The following R3HDM2 variants were observed in gnomAD, a reference collection of about 807,000 sequenced individuals.
The protein encoded by R3HDM2 is R3H domain containing 2, also known as R3H domain-containing protein 2.
R3HDM2 carries 38 observed loss-of-function variants against 124.5 expected under a neutral mutation model. That is an observed-to-expected ratio of 0.31 (90% CI 0.24 to 0.40). The LOEUF (loss-of-function observed/expected upper bound fraction) is 0.40, where lower values mean the gene tolerates loss of function less well. Ranked by LOEUF, R3HDM2 falls within the 10% of genes least tolerant of loss-of-function variation. The pLI, the probability that R3HDM2 is intolerant of heterozygous loss-of-function variation, is 1.00. For synonymous variants in R3HDM2, 391 were observed against 448.0 expected, an observed-to-expected ratio of 0.87 and a Z score of 1.61; for missense variants, 869 against 1,236.9, an observed-to-expected ratio of 0.70 and a Z score of 4.46.
At chr12:57,371,878 T>G (rs902974014) in intron 2 of R3HDM2, among the ~76,000 whole-genome samples, 3 of 152,200 alleles carry the variant, frequency 2.0e-5, no homozygotes, top group African/African-American at 7.2e-5. Context: ...TGTTGTTGTT[T>G]AATTTTGAGA....
chr12:57,260,376 G>A (rs1371256875), intron 19 of R3HDM2, among the ~76,000 whole-genome samples: 1 of 151,474 alleles, frequency 6.6e-6, no homozygotes, highest in Non-Finnish European at 1.5e-5. Context: ...TACACTGACA[G>A]GTTCAGGTGA....
intron 2 of R3HDM2, among the ~76,000 whole-genome samples, chr12:57,379,360 C>T (rs1260656650): frequency 6.6e-6 from 1 of 152,060 alleles, no homozygotes; most frequent in Non-Finnish European, 1.5e-5. Flanking sequence ...GCAGGCAGAT[C>T]ACCTGAGTTC....
chr12:57,278,474 A>G (rs1164903852), intron 14 of R3HDM2, among the ~76,000 whole-genome samples: 1 of 152,190 alleles, frequency 6.6e-6, no homozygotes, highest in East Asian at 1.9e-4. Context: ...GAGCAAGACT[A>G]TTAAAATACA....
At chr12:57,273,224 C>A (rs938192673) in intron 14 of R3HDM2, among the ~76,000 whole-genome samples, 1 of 152,188 alleles carries the variant, frequency 6.6e-6, no homozygotes, top group Admixed American at 6.5e-5. Flanking sequence ...ACCTCCACCC[C>A]CCAAGCAAAC....
chr12:57,326,762 G>A (rs1175492486), intron 2 of R3HDM2, among the ~76,000 whole-genome samples: 1 of 152,208 alleles, frequency 6.6e-6, no homozygotes, highest in Non-Finnish European at 1.5e-5. Flanking sequence ...TGGCTCCAGT[G>A]CTTCAAAGGA....
chr12:57,308,107 T>A (rs1351158690), intron 3 of R3HDM2, among the ~76,000 whole-genome samples: 2 of 146,928 alleles, frequency 1.4e-5, no homozygotes, highest in South Asian at 4.3e-4. Context: ...CAGGCTGGAG[T>A]GCAGTGGGGT....
At chr12:57,260,263 C>CAAAAAAAAAAA (rs566868060) in intron 19 of R3HDM2, among the ~76,000 whole-genome samples, 349 of 31,546 alleles carry the variant, frequency 0.011, 54 homozygotes, top group African/African-American at 0.029. Context: ...GACCCTGCCT[C>CAAAAAAAAAAA]AAAAAAAAAA....
At chr12:57,423,807 TTA>T (rs2070439889) in intron 1 of R3HDM2, among the ~76,000 whole-genome samples, 1 of 35,616 alleles carries the variant, frequency 2.8e-5, no homozygotes, top group African/African-American at 1.5e-4. Flanking sequence ...ACTGTCTCAA[TTA>T]AAAAAAAAAA....
At position 57,277,046 on chromosome 12, in the gene R3HDM2, T is replaced by A. The variant is rs930362620; in HGVS notation, c.1344+3312A>T. On this transcript the variant is annotated intron_variant, in intron 14 of 23. Coordinates refer to ENST00000402412, the MANE Select transcript of R3HDM2 (RefSeq NM_001394031.1). ...AAATCACCTCTAAAGAGCTCACTCA[T>A]GTAACCAAGTACTGCCTGTACTCCA... Among the ~76,000 whole-genome samples the A allele has an allele frequency of 2.7e-5, 4 of 148,782 alleles. No homozygotes were observed. The South Asian group carries it at 8.5e-4, about 32-fold the overall frequency.
chr12:57,317,714 A>C (rs541971305), intron 2 of R3HDM2, among the ~76,000 whole-genome samples: 2 of 149,540 alleles, frequency 1.3e-5, no homozygotes, highest in African/African-American at 2.4e-5. Flanking sequence ...GGAACGGGCC[A>C]GGCCGGGTGG....
At chr12:57,343,741 T>C (rs2059819002) in intron 2 of R3HDM2, among the ~76,000 whole-genome samples, 2 of 140,072 alleles carry the variant, frequency 1.4e-5, no homozygotes, top group South Asian at 4.6e-4. Context: ...AGAGATAGAC[T>C]CATGAAGGGT....
At chr12:57,335,482 G>T (rs1283864084) in intron 2 of R3HDM2, among the ~76,000 whole-genome samples, 1 of 138,350 alleles carries the variant, frequency 7.2e-6, no homozygotes, top group Non-Finnish European at 1.5e-5. Context: ...GAGCCATCAC[G>T]CCCGGCCACC....
intron 1 of R3HDM2, among the ~76,000 whole-genome samples, chr12:57,412,978 C>T (rs1405857495): frequency 6.6e-5 from 10 of 152,044 alleles, no homozygotes; most frequent in African/African-American, 2.4e-4. Context: ...AGTGAAACCC[C>T]GCCTCTACTA....
At position 57,268,297 on chromosome 12, in the gene R3HDM2, C is replaced by T. The variant is rs372109139; in HGVS notation, c.2030+6G>A. On this transcript the variant is annotated splice_donor_region_variant and intron_variant, in intron 18 of 23. Coordinates refer to ENST00000402412, the MANE Select transcript of R3HDM2 (RefSeq NM_001394031.1). ...TGTCCTGTCCTGGCTCTCTGGGAGTCCTCACCTCGTACCGTTCTGCTGAGC... is the reference window on the plus strand; with the variant it reads ...TGTCCTGTCCTGGCTCTCTGGGAGTTCTCACCTCGTACCGTTCTGCTGAGC... 2 of 1,612,392 alleles carry T rather than the reference C, an allele frequency of 1.2e-6. No homozygotes were observed. The highest frequency in any genetic ancestry group is 2.7e-5 in the African/African-American group (2 of 74,850).
At chr12:57,342,536 C>T (rs2059677759) in intron 2 of R3HDM2, among the ~76,000 whole-genome samples, 1 of 152,084 alleles carries the variant, frequency 6.6e-6, no homozygotes, top group Non-Finnish European at 1.5e-5. Context: ...AGAGCACCCC[C>T]TCCCACCTCC....
In R3HDM2 at chr12:57,273,798, A is replaced by G. The variant is rs117916420; in HGVS notation, c.1345-3804T>C. ...TAAGATGTGTGGGGCCATGGTATCA[A>G]TATCCTCTCCTGCCACACATCTCCA... On this transcript the variant is annotated intron_variant, in intron 14 of 23. Transcript: ENST00000402412. 2.1e-3 allele frequency among the ~76,000 whole-genome samples: 326 copies of G among 152,304 alleles called. 9 individuals carry two copies. In the East Asian group the frequency reaches 0.05, roughly 23 times the overall value.
chr12:57,393,623 A>G (rs151318734), intron 2 of R3HDM2, among the ~76,000 whole-genome samples: 100 of 152,360 alleles, frequency 6.6e-4, no homozygotes, highest in African/African-American at 2.2e-3. Context: ...TAGGAGTCCT[A>G]TGAGAGGAGA....
chr12:57,390,290 T>C (rs1319245326), intron 2 of R3HDM2, among the ~76,000 whole-genome samples: 2 of 152,052 alleles, frequency 1.3e-5, no homozygotes, highest in African/African-American at 4.8e-5. Flanking sequence ...ACAAGTGAGG[T>C]GAGTCCTGTG....
At chr12:57,360,584 T>C (rs919039724) in intron 2 of R3HDM2, among the ~76,000 whole-genome samples, 11 of 148,740 alleles carry the variant, frequency 7.4e-5, no homozygotes, top group Non-Finnish European at 1.3e-4. Context: ...ATTATGCCAC[T>C]GTACTCCAGC....
Sources: allele counts gnomAD v4.1 joint callset (sites outside exome capture counted in the v4.1 genomes callset), GRCh38; gene constraint gnomAD v4.1.1; transcripts MANE v1.5; gene names NCBI Gene and HGNC (gene_info 2026-07-23, HGNC 2026-07-21).